PTPRN2: variants seen among roughly 807,000 people sequenced by gnomAD.
PTPRN2 encodes the protein protein tyrosine phosphatase receptor type N2.
A neutral mutation model predicts 118.8 loss-of-function variants in PTPRN2; 74 were observed. The ratio of observed to expected loss-of-function variants is 0.62; its 90% CI spans 0.52 to 0.76. The LOEUF (loss-of-function observed/expected upper bound fraction) is 0.76. PTPRN2 is among the 30% of genes least tolerant of loss of function. PTPRN2 has a pLI of 0.00. For missense variants in PTPRN2, 1,481 were observed against 1,394.4 expected, an observed-to-expected ratio of 1.06 and a Z score of -0.99; for synonymous variants, 641 against 608.0, an observed-to-expected ratio of 1.05 and a Z score of -0.80.
intron 12 of PTPRN2, among the ~76,000 whole-genome samples, chr7:157,689,882 G>A (rs1464860941): frequency 1.3e-5 from 2 of 152,180 alleles, no homozygotes; most frequent in Non-Finnish European, 2.9e-5. Context: ...CCCATGGCTC[G>A]GAGGCGCGCT....
chr7:157,684,521 C>T (rs1440313629), intron 12 of PTPRN2, among the ~76,000 whole-genome samples: 1 of 152,022 alleles, frequency 6.6e-6, no homozygotes, highest in Admixed American at 6.5e-5. Flanking sequence ...GCAGCCACCG[C>T]TGGGTCTCGC....
At chr7:157,666,910 C>T (rs1172692115) in intron 13 of PTPRN2, among the ~76,000 whole-genome samples, 1 of 152,006 alleles carries the variant, frequency 6.6e-6, no homozygotes, top group Non-Finnish European at 1.5e-5. Flanking sequence ...CTGGCTTGCA[C>T]ACTCAGCCTG....
At chr7:158,071,861 CT>C in intron 11 of PTPRN2, among the ~76,000 whole-genome samples, 1 of 10,108 alleles carries the variant, frequency 9.9e-5, no homozygotes, top group East Asian at 5.7e-3. Flanking sequence ...GGTGGAGGTG[CT>C]CGTCATATGG....
Position 157,720,794 on chromosome 7 carries a change from C to T in PTPRN2, c.1789-37857G>A, listed in dbSNP as rs979897522. On this transcript the variant is annotated intron_variant, in intron 12 of 22. Coordinates refer to ENST00000389418, the MANE Select transcript of PTPRN2 (RefSeq NM_002847.5). The stretch of plus-strand genomic sequence containing the variant: ...GGCAGAATCCCACCCATTCCTGTGG[C>T]AAAGCCGAGACCCTCATTTCCAGTC... Among the ~76,000 whole-genome samples, 7 of 152,334 alleles carry T rather than the reference C, an allele frequency of 4.6e-5. No individual in the cohort carries two copies. In the East Asian group the frequency reaches 1.2e-3, roughly 25 times the overall value.
intron 11 of PTPRN2, among the ~76,000 whole-genome samples, chr7:158,070,796 A>T (rs1487559777): frequency 1.4e-4 from 11 of 78,202 alleles, no homozygotes; most frequent in African/African-American, 4.7e-4. Context: ...GTGGTGGTGG[A>T]GGTGCCCGTG....
At chr7:158,487,172 G>T (rs901297096) in intron 2 of PTPRN2, among the ~76,000 whole-genome samples, 2 of 152,176 alleles carry the variant, frequency 1.3e-5, no homozygotes, top group African/African-American at 4.8e-5. Context: ...TTGTCCATTC[G>T]CCCATCAGTG....
rs375338670 is a variant in PTPRN2 at position 158,171,276 on chromosome 7, C to T, written c.550-3985G>A. On this transcript the variant is annotated intron_variant, in intron 5 of 22. Transcript: ENST00000389418. ...ACACATATATATACACACATATATA[C>T]ACACATATATATACACACATATATA... 3.6e-4 allele frequency among the ~76,000 whole-genome samples: 22 copies of T among 60,432 alleles called. 1 individual carries two copies. Among genetic ancestry groups the T allele is most frequent in the East Asian group, 2.8e-3 (4 of 1,430 alleles). 39.6% of individuals were successfully genotyped at this position (60,432 alleles called of 152,430 possible).
chr7:158,487,219 T>C (rs777086619), intron 2 of PTPRN2, among the ~76,000 whole-genome samples: 6 of 152,224 alleles, frequency 3.9e-5, no homozygotes, highest in Admixed American at 6.5e-5. Flanking sequence ...TGTTGTGCAT[T>C]AACTGCTATG....
intron 11 of PTPRN2, among the ~76,000 whole-genome samples, chr7:158,070,779 G>A (rs1280992986): frequency 7.5e-6 from 1 of 133,814 alleles, no homozygotes; most frequent in Admixed American, 7.2e-5. Context: ...TCATGGTGGA[G>A]GTGCCCGTGG....
chr7:157,815,512 G>A (rs1208956191), intron 12 of PTPRN2, among the ~76,000 whole-genome samples: 2 of 152,272 alleles, frequency 1.3e-5, no homozygotes, highest in Non-Finnish European at 2.9e-5. Context: ...AGGGTGCTGG[G>A]GTCCTGGGCC....
intron 9 of PTPRN2, among the ~76,000 whole-genome samples, chr7:158,126,920 A>T (rs1219757787): frequency 6.6e-6 from 1 of 152,148 alleles, no homozygotes; most frequent in African/African-American, 2.4e-5. Flanking sequence ...GCCTCTCTGA[A>T]TTCCACATTC....
At chr7:157,571,769 G>T (rs1799770525) in intron 19 of PTPRN2, among the ~76,000 whole-genome samples, 1 of 152,150 alleles carries the variant, frequency 6.6e-6, no homozygotes, top group African/African-American at 2.4e-5. Flanking sequence ...TGGACTCCCG[G>T]CCTGTCCTGC....
intron 2 of PTPRN2, among the ~76,000 whole-genome samples, chr7:158,486,060 TA>T (rs1820994566): frequency 6.6e-6 from 1 of 152,272 alleles, no homozygotes; most frequent in African/African-American, 2.4e-5. Context: ...TCTACTGTTT[TA>T]AAATTAATAC....
intron 11 of PTPRN2, among the ~76,000 whole-genome samples, chr7:157,969,819 T>C (rs1802195850): frequency 6.6e-6 from 1 of 151,530 alleles, no homozygotes; most frequent in South Asian, 2.1e-4. Flanking sequence ...GTCACAGACC[T>C]GGATGTTGAC....
rs1236702633 is a variant in PTPRN2, at chr7:158,167,146, T to G, written c.695A>C (p.Lys232Thr). ...GTGTCTGTCCACACCACTGTCCACC[T>G]TAGGGCTGAGCTCATCTGGCTGGAG... ...GQLQPDELSP[K>T]VDSGVDRHHL... Residue 232 changes from lysine (K) to threonine (T), a missense_variant, in exon 6 of 23, where the codon AAG becomes ACG. By Grantham distance (78) the Lys-to-Thr change is moderately conservative. Coordinates refer to ENST00000389418, the MANE Select transcript of PTPRN2 (RefSeq NM_002847.5). 5.6e-6 allele frequency: 9 copies of G among 1,613,856 alleles called. No homozygotes were observed. The highest frequency in any genetic ancestry group is 7.6e-6 in the Non-Finnish European group (9 of 1,179,992).
chr7:157,680,813 T>C (rs962301292), intron 13 of PTPRN2, among the ~76,000 whole-genome samples: 12 of 152,254 alleles, frequency 7.9e-5, no homozygotes, highest in Middle Eastern at 3.2e-3. Context: ...AAAGTTTTTT[T>C]TCCTTTTTAT....
intron 1 of PTPRN2, chr7:158,532,681 T>C (rs756907469): frequency 1.9e-6 from 1 of 532,234 alleles, no homozygotes; most frequent in Admixed American, 1.9e-5. Flanking sequence ...GCATGGAACA[T>C]GGCAAAAAAT....
At chr7:157,728,747 A>G (rs1799733837) in intron 12 of PTPRN2, among the ~76,000 whole-genome samples, 1 of 152,192 alleles carries the variant, frequency 6.6e-6, no homozygotes, top group Non-Finnish European at 1.5e-5. Context: ...ATTTGCATAA[A>G]TTGCTTTTAC....
At chr7:158,557,442 A>C (rs1481524457) in intron 1 of PTPRN2, among the ~76,000 whole-genome samples, 3 of 152,254 alleles carry the variant, frequency 2.0e-5, no homozygotes, top group Admixed American at 6.5e-5. Context: ...CTTTTCTGCC[A>C]TCATGGGCTC....
Sources: gnomAD v4.1 joint callset for allele counts (sites outside exome capture counted in the v4.1 genomes callset) on GRCh38, gnomAD v4.1.1 for gene constraint, MANE v1.5 for transcripts, NCBI Gene and HGNC (gene_info 2026-07-23, HGNC 2026-07-21) for gene names.